Variants in SLC10A7 observed in about 807,000 individuals in gnomAD.
The protein encoded by SLC10A7 is solute carrier family 10 member 7.
Under a neutral mutation model 43.2 loss-of-function variants are expected in SLC10A7, and 29 were observed. The observed-to-expected ratio is 0.67, with a 90% confidence interval of 0.50 to 0.92. SLC10A7 has a LOEUF of 0.92. SLC10A7 is among the 40% of genes least tolerant of loss of function. The pLI is 0.00. For missense variants in SLC10A7, 295 were observed against 403.2 expected, an observed-to-expected ratio of 0.73 and a Z score of 2.30; for synonymous variants, 152 against 144.8, an observed-to-expected ratio of 1.05 and a Z score of -0.35.
intron 5 of SLC10A7, among the ~76,000 whole-genome samples, chr4:146,329,604 T>C (rs1733392475): frequency 6.6e-6 from 1 of 152,186 alleles, no homozygotes; most frequent in Non-Finnish European, 1.5e-5. Context: ...ATAAAATCTT[T>C]GCATTGTTAA....
rs773582092 is a variant in SLC10A7, at chr4:146,517,049, A to G, written c.172T>C (p.Leu58=). 1.2e-6 allele frequency: 2 copies of G among 1,603,122 alleles called. No individual in the cohort carries two copies. The highest frequency in any genetic ancestry group is 1.1e-5 in the South Asian group (1 of 89,456). Residue 58 remains leucine (L), a synonymous_variant, in exon 2 of 12, where the codon TTG becomes CTG. Coordinates refer to ENST00000335472, the MANE Select transcript of SLC10A7 (RefSeq NM_001029998.6). ...ATIFFNSGLS[L]KTEELTSALV... is the part of the protein sequence containing the mutation. ...ATAGATGACAGTACCTCTGTTTTCA[A>G]TGATAGTCCACTGTTAAAGAATATT...
intron 4 of SLC10A7, among the ~76,000 whole-genome samples, chr4:146,476,948 G>GA (rs11298351): frequency 8.7e-4 from 130 of 149,956 alleles, no homozygotes; most frequent in Admixed American, 4.0e-3. Context: ...ATTCTGCTCT[G>GA]AAAAAAAAAA....
chr4:146,305,969 G>GA lies in SLC10A7; in HGVS notation c.511dup (p.Ser171PhefsTer26). The GA allele has an allele frequency of 1.2e-6, 2 of 1,609,878 alleles. No homozygotes were observed. Among genetic ancestry groups the GA allele is most frequent in the Non-Finnish European group, 1.7e-6 (2 of 1,178,316 alleles). On this transcript the variant is annotated frameshift_variant, in exon 7 of 12. Transcript: ENST00000335472. LOFTEE classifies it high-confidence loss of function. Reference sequence around the variant, plus strand: ...AACCACAACAGTCATAAAAAGCTGAGAAAAAATAGATGTGAAAGGCACAGA... The same window carrying GA: ...AACCACAACAGTCATAAAAAGCTGAGAAAAAAATAGATGTGAAAGGCACAGA...
At chr4:146,450,491 C>G (rs563198900) in intron 4 of SLC10A7, among the ~76,000 whole-genome samples, 4 of 152,222 alleles carry the variant, frequency 2.6e-5, no homozygotes, top group African/African-American at 9.6e-5. Flanking sequence ...AGAAATTAGT[C>G]AAAGCCAGAG....
chr4:146,326,245 T>C (rs1733094778), intron 5 of SLC10A7, among the ~76,000 whole-genome samples: 1 of 152,242 alleles, frequency 6.6e-6, no homozygotes, highest in Admixed American at 6.5e-5. Flanking sequence ...TTTCCTTTTG[T>C]AAACCTAAAT....
chr4:146,374,770 A>T (rs1737065813), intron 5 of SLC10A7, among the ~76,000 whole-genome samples: 1 of 152,178 alleles, frequency 6.6e-6, no homozygotes, highest in South Asian at 2.1e-4. Context: ...TTACTTTAAC[A>T]TAGTATTTAA....
chr4:146,307,868 T>C (rs925405783), intron 6 of SLC10A7, among the ~76,000 whole-genome samples: 2 of 76,110 alleles, frequency 2.6e-5, no homozygotes, highest in Admixed American at 2.9e-4. Flanking sequence ...AAAGGTATAT[T>C]CTCTCTTTAA....
intron 9 of SLC10A7, among the ~76,000 whole-genome samples, chr4:146,283,700 G>T (rs1729694883): frequency 6.6e-6 from 1 of 152,066 alleles, no homozygotes; most frequent in Non-Finnish European, 1.5e-5. Context: ...TATGAAAAAA[G>T]ATTTAACATC....
intron 6 of SLC10A7, among the ~76,000 whole-genome samples, chr4:146,321,584 C>A (rs1732711155): frequency 6.6e-6 from 1 of 152,072 alleles, no homozygotes. Flanking sequence ...AAACAGTACA[C>A]CTTTTATGGA....
At position 146,283,245 on chromosome 4, in the gene SLC10A7, G is replaced by C. The variant is rs200356521; in HGVS notation, c.794C>G (p.Pro265Arg). 1 of 1,613,326 alleles carries C rather than the reference G, an allele frequency of 6.2e-7. No homozygotes were observed. Among genetic ancestry groups the C allele is most frequent in the Non-Finnish European group, 8.5e-7 (1 of 1,179,524 alleles). The change falls in exon 10 of 12, where the codon CCA becomes CGA. Residue 265 changes from proline to arginine, a missense_variant. Transcript: ENST00000335472. ...GAAAATGATAGCCACTGTGTCTGCT[G>C]GTGTGAAACCCGAATTATTCCTAGG... ...FSTRNNSGFT[P>R]ADTVAIIFCS...
In SLC10A7 at chr4:146,303,273, C is replaced by A. The variant is rs967947067; in HGVS notation, c.555+2653G>T. Among the ~76,000 whole-genome samples, 14 of 152,236 alleles carry A rather than the reference C, an allele frequency of 9.2e-5. No individual in the cohort carries two copies. The East Asian group carries it at 2.5e-3, about 27-fold the overall frequency. On this transcript the variant is annotated intron_variant, in intron 7 of 11. Transcript: ENST00000335472. ...GTTCCCAAGGGTACTCCCTAGTAAACTTCCTGCATAAAAACCTCTGTCTTT... is the reference window on the plus strand; with the variant it reads ...GTTCCCAAGGGTACTCCCTAGTAAAATTCCTGCATAAAAACCTCTGTCTTT...
At chr4:146,456,932 A>C (rs1481322348) in intron 4 of SLC10A7, among the ~76,000 whole-genome samples, 2 of 151,872 alleles carry the variant, frequency 1.3e-5, no homozygotes, top group Non-Finnish European at 2.9e-5. Context: ...GAAAATTCCA[A>C]AGGTTATTGA....
At chr4:146,420,118 T>C (rs1424359452) in intron 5 of SLC10A7, among the ~76,000 whole-genome samples, 1 of 152,064 alleles carries the variant, frequency 6.6e-6, no homozygotes, top group Non-Finnish European at 1.5e-5. Context: ...GAGAGGAGAA[T>C]TAATGGTTGA....
At chr4:146,495,024 T>C (rs1560964603) in intron 4 of SLC10A7, among the ~76,000 whole-genome samples, 1 of 152,210 alleles carries the variant, frequency 6.6e-6, no homozygotes, top group South Asian at 2.1e-4. Flanking sequence ...AAAAGGTAGA[T>C]ACAGTAGAAG....
chr4:146,457,303 T>C (rs1189723212), intron 4 of SLC10A7, among the ~76,000 whole-genome samples: 1 of 151,946 alleles, frequency 6.6e-6, no homozygotes, highest in East Asian at 1.9e-4. Context: ...GATGTTTTGA[T>C]ACAAGCATAC....
chr4:146,268,367 G>A (rs949160553), intron 10 of SLC10A7, among the ~76,000 whole-genome samples: 3 of 152,076 alleles, frequency 2.0e-5, no homozygotes, highest in Non-Finnish European at 4.4e-5. Context: ...AACAAAGATA[G>A]GTCATAAACT....
intron 9 of SLC10A7, among the ~76,000 whole-genome samples, chr4:146,285,677 G>T (rs148130596): frequency 6.6e-6 from 1 of 152,200 alleles, no homozygotes. Flanking sequence ...GGAGCATTAA[G>T]GAAACAGAAT....
chr4:146,462,417 C>T (rs960530790), intron 4 of SLC10A7, among the ~76,000 whole-genome samples: 1 of 151,910 alleles, frequency 6.6e-6, no homozygotes, highest in Non-Finnish European at 1.5e-5. Context: ...AGACAGCAGC[C>T]CAGTGTGGGA....
At chr4:146,372,688 T>C (rs571498400) in intron 5 of SLC10A7, among the ~76,000 whole-genome samples, 4 of 152,306 alleles carry the variant, frequency 2.6e-5, no homozygotes, top group Admixed American at 2.6e-4. Context: ...AATAAGATTA[T>C]GTTTTCCTTC....
Sources: gnomAD v4.1 joint callset for allele counts (sites outside exome capture counted in the v4.1 genomes callset) on GRCh38, gnomAD v4.1.1 for gene constraint, MANE v1.5 for transcripts, NCBI Gene and HGNC (gene_info 2026-07-23, HGNC 2026-07-21) for gene names.